PAPPA: variants seen among roughly 807,000 people sequenced by gnomAD.
The protein encoded by PAPPA is pappalysin-1.
PAPPA carries 60 observed loss-of-function variants against 164.0 expected under a neutral mutation model. That is an observed-to-expected ratio of 0.37 (90% CI 0.30 to 0.45). The LOEUF (loss-of-function observed/expected upper bound fraction) is 0.45, where lower values mean the gene tolerates loss of function less well. PAPPA is among the 20% of genes least tolerant of loss of function. PAPPA has a pLI of 1.00. For missense variants in PAPPA, 1,782 were observed against 2,087.3 expected, an observed-to-expected ratio of 0.85 and a Z score of 2.85; for synonymous variants, 875 against 814.1, an observed-to-expected ratio of 1.07 and a Z score of -1.27.
intron 19 of PAPPA, among the ~76,000 whole-genome samples, chr9:116,368,198 G>C (rs1846527151): frequency 6.6e-6 from 1 of 152,134 alleles, no homozygotes. Context: ...CTAGGTTTCT[G>C]GTATCCTTCT....
chr9:116,245,031 C>T (rs1844780598), intron 7 of PAPPA, among the ~76,000 whole-genome samples: 1 of 152,060 alleles, frequency 6.6e-6, no homozygotes, highest in African/African-American at 2.4e-5. Context: ...GCACTGGAGG[C>T]TATTATCTTA....
Position 116,251,011 on chromosome 9 carries a change from T to TAA in PAPPA, c.2733-14846_2733-14845insAA, listed in dbSNP as rs531042799. 6.6e-5 allele frequency among the ~76,000 whole-genome samples: 10 copies of TAA among 152,242 alleles called. No homozygotes were observed. The East Asian group carries it at 1.9e-3, about 29-fold the overall frequency. ...CCGGTGATGGGGTTGGTATAGGAAATGAGAGAACACATTTGGCTAAGCTCA... is the reference window on the plus strand; with the variant it reads ...CCGGTGATGGGGTTGGTATAGGAAATAAGAGAGAACACATTTGGCTAAGCTCA... On this transcript the variant is annotated intron_variant, in intron 7 of 21. Transcript: ENST00000328252.
intron 21 of PAPPA, among the ~76,000 whole-genome samples, chr9:116,394,691 A>G (rs372274589): frequency 6.6e-6 from 1 of 152,248 alleles, no homozygotes. Context: ...GTCACAGAGG[A>G]TGGAAAGTAA....
At chr9:116,285,171 C>CTTTTTTTTTTTTTTTTTTT in intron 9 of PAPPA, among the ~76,000 whole-genome samples, 24 of 89,484 alleles carry the variant, frequency 2.7e-4, no homozygotes, top group Non-Finnish European at 3.3e-4. Flanking sequence ...TTCTTTCTTT[C>CTTTTTTTTTTTTTTTTTTT]TTTTTTTTTT....
chr9:116,256,668 A>G (rs1844931324), intron 7 of PAPPA, among the ~76,000 whole-genome samples: 1 of 152,032 alleles, frequency 6.6e-6, no homozygotes, highest in South Asian at 2.1e-4. Context: ...TATGATTTAC[A>G]ACCTGAATTT....
intron 10 of PAPPA, among the ~76,000 whole-genome samples, chr9:116,319,823 G>A (rs538049708): frequency 1.3e-5 from 2 of 152,286 alleles, no homozygotes; most frequent in South Asian, 4.2e-4. Flanking sequence ...CAAGAAGGAG[G>A]ATAGTAATAC....
chr9:116,380,868 G>A (rs559006777), intron 20 of PAPPA, among the ~76,000 whole-genome samples: 4 of 152,360 alleles, frequency 2.6e-5, no homozygotes, highest in Non-Finnish European at 5.9e-5. Flanking sequence ...AGCCAGGAAT[G>A]CCACATGGGA....
chr9:116,171,188 G>T (rs1224350626), intron 1 of PAPPA, among the ~76,000 whole-genome samples: 1 of 152,162 alleles, frequency 6.6e-6, no homozygotes, highest in African/African-American at 2.4e-5. Flanking sequence ...GACCAGAGAA[G>T]GGAGCTGCTA....
chr9:116,156,160 G>C (rs1282545600), intron 1 of PAPPA, among the ~76,000 whole-genome samples: 1 of 148,914 alleles, frequency 6.7e-6, no homozygotes, highest in Non-Finnish European at 1.5e-5. Context: ...TCTTTACCTA[G>C]TACCAGTGAT....
chr9:116,227,238 C>A (rs540956875), intron 5 of PAPPA, among the ~76,000 whole-genome samples, 193 bp from the exon 6 acceptor site: 1 of 152,276 alleles, frequency 6.6e-6, no homozygotes, highest in African/African-American at 2.4e-5. Context: ...TAGGCTCAAA[C>A]GAGGTTCTTG....
intron 15 of PAPPA, among the ~76,000 whole-genome samples, chr9:116,349,573 A>G (rs757727841): frequency 2.6e-5 from 4 of 152,154 alleles, no homozygotes; most frequent in Non-Finnish European, 4.4e-5. Flanking sequence ...AGCACTCCCA[A>G]AGAGACTTGA....
chr9:116,283,586 G>A (rs550234021), intron 9 of PAPPA, among the ~76,000 whole-genome samples: 90 of 152,224 alleles, frequency 5.9e-4, no homozygotes, highest in African/African-American at 2.1e-3. Flanking sequence ...CTCTTCAAGG[G>A]CCAACAAAAT....
rs1461305450 is a variant in PAPPA at position 116,300,255 on chromosome 9, T to TTTTTG, written c.2954-2498_2954-2497insGTTTT. Among the ~76,000 whole-genome samples the TTTTTG allele has an allele frequency of 7.5e-5, 9 of 120,410 alleles. No individual in the cohort carries two copies. The East Asian group carries it at 7.7e-4, about 10-fold the overall frequency. The allele number at this position is 120,410 out of a possible 152,430, so 79.0% of individuals were successfully genotyped here. On this transcript the variant is annotated intron_variant, in intron 9 of 21. Transcript: ENST00000328252. ...ATTCTTTCTTTCTTTTCTCTTTCTG[T>TTTTTG]TTTTCTTTTGTTTTGTTTTGTTTTG... is the stretch of plus-strand genomic sequence containing the variant.
chr9:116,380,007 T>A (rs903244048), intron 20 of PAPPA, among the ~76,000 whole-genome samples: 9 of 152,230 alleles, frequency 5.9e-5, no homozygotes, highest in Non-Finnish European at 1.3e-4. Flanking sequence ...CTTTATGATC[T>A]CAGCTGAAGC....
In PAPPA at chr9:116,332,389, T is replaced by C. The variant is rs778504076; in HGVS notation, c.3318T>C (p.Asp1106=). 4.3e-6 allele frequency: 7 copies of C among 1,614,044 alleles called. No individual in the cohort carries two copies. Among genetic ancestry groups the C allele is most frequent in the Non-Finnish European group, 5.9e-6 (7 of 1,179,904 alleles). Residue 1106 remains aspartate, a synonymous_variant, in exon 12 of 22, where the codon GAT becomes GAC. Transcript: ENST00000328252. ...AAAVIVHLVT[D]GTYYGDQKQE... Reference sequence around the variant, plus strand: ...CTGTCATTGTCCACCTGGTGACGGATGGGACATATTATGGGGACCAAAAGC... The same window carrying C: ...CTGTCATTGTCCACCTGGTGACGGACGGGACATATTATGGGGACCAAAAGC...
intron 5 of PAPPA, among the ~76,000 whole-genome samples, chr9:116,226,326 C>G (rs1357742702): frequency 6.6e-6 from 1 of 152,186 alleles, no homozygotes; most frequent in Non-Finnish European, 1.5e-5. Flanking sequence ...ACAGCACACT[C>G]TGATGCTCAC....
At chr9:116,290,142 T>C (rs941416874) in intron 9 of PAPPA, among the ~76,000 whole-genome samples, 1 of 152,178 alleles carries the variant, frequency 6.6e-6, no homozygotes, top group African/African-American at 2.4e-5. Context: ...GGTAGGAAAA[T>C]AATGCTGTCA....
chr9:116,396,688 AG>A lies in PAPPA; in HGVS notation c.*73del. On this transcript the variant is annotated 3_prime_UTR_variant, in exon 22 of 22. Transcript: ENST00000328252. Reference sequence around the variant, plus strand: ...TCCCTTTGGTATTGATTTCACAGTCAGCTGCTCAACGGAATGGCCTCTCCAC... The same window carrying A: ...TCCCTTTGGTATTGATTTCACAGTCACTGCTCAACGGAATGGCCTCTCCAC... The A allele has an allele frequency of 1.3e-6, 1 of 742,464 alleles. No individual in the cohort carries two copies. Among genetic ancestry groups the A allele is most frequent in the African/African-American group, 1.7e-5 (1 of 58,396 alleles). The allele number at this position is 742,464 out of a possible 1,614,324, so 46.0% of individuals were successfully genotyped here.
rs1472169277 is a variant in PAPPA, at chr9:116,154,867, C to T, written c.415+280C>T. Among the ~76,000 whole-genome samples the T allele has an allele frequency of 6.6e-6, 1 of 152,192 alleles. No individual in the cohort carries two copies. The highest frequency in any genetic ancestry group is 1.5e-5 in the Non-Finnish European group (1 of 68,032). On this transcript the variant is annotated intron_variant, in intron 1 of 21. Transcript: ENST00000328252. This position sits in a 1 kb window ranked among gnomAD's most constrained non-coding sequence, Gnocchi z 5.2. Reference sequence around the variant, plus strand: ...CCCTCGGCCAGTGAGGGCTGGTTCCCGGAGCCTAGGGCACGTAACCCGTGC... The same window carrying T: ...CCCTCGGCCAGTGAGGGCTGGTTCCTGGAGCCTAGGGCACGTAACCCGTGC...
Sources: allele counts gnomAD v4.1 joint callset (sites outside exome capture counted in the v4.1 genomes callset), GRCh38; gene constraint gnomAD v4.1.1; non-coding constraint Gnocchi (gnomAD v3.1); transcripts MANE v1.5; gene names NCBI Gene and HGNC (gene_info 2026-07-23, HGNC 2026-07-21).